The following LRCH2 variants were observed in gnomAD, a reference collection of about 807,000 sequenced individuals.
The protein encoded by LRCH2 is leucine-rich repeat and calponin homology domain-containing protein 2.
In LRCH2, 38 loss-of-function variants were observed where a neutral mutation model predicts 68.9. The observed-to-expected ratio is 0.55, with a 90% CI of 0.43 to 0.72. The LOEUF (loss-of-function observed/expected upper bound fraction) is 0.72, where lower values mean the gene tolerates loss of function less well. Among genes scored for constraint, LRCH2 ranks in the 30% least tolerant of loss-of-function variants. The pLI, the probability that LRCH2 is intolerant of heterozygous loss-of-function variation, is 0.00. For missense variants in LRCH2, 528 were observed against 572.9 expected (o/e 0.92, Z 0.80); for synonymous variants, 191 against 208.1 (o/e 0.92, Z 0.71).
chrX:115,148,003 G>C (rs1291592273), intron 14 of LRCH2, among the ~76,000 whole-genome samples: 2 of 111,504 alleles, frequency 1.8e-5, no homozygotes, highest in Non-Finnish European at 3.8e-5. Context: ...CCAGGCATTT[G>C]AGGCTGCTGT....
chrX:115,144,994 C>A (rs991881969), intron 14 of LRCH2, among the ~76,000 whole-genome samples: 26 of 111,704 alleles, frequency 2.3e-4, no homozygotes, highest in African/African-American at 8.1e-4. Context: ...CCAAAGCTAT[C>A]CTGGGAATAA....
chrX:115,171,391 C>T (rs1056668147), intron 5 of LRCH2, among the ~76,000 whole-genome samples: 7 of 110,292 alleles, frequency 6.3e-5, no homozygotes, highest in Non-Finnish European at 1.3e-4. Context: ...AAATATATTG[C>T]CAATTAAATG....
At chrX:115,121,422 C>T (rs1273398513) in intron 20 of LRCH2, among the ~76,000 whole-genome samples, 2 of 110,858 alleles carry the variant, frequency 1.8e-5, no homozygotes, top group East Asian at 2.9e-4. Flanking sequence ...GAGGCTGAGG[C>T]GGGTGGATCA....
rs782666481 is a variant in LRCH2 at position 115,210,984 on chromosome X, T to C, written c.350-22614A>G. Among the ~76,000 whole-genome samples the C allele has an allele frequency of 1.3e-3, 151 of 112,209 alleles. 2 individuals are homozygous for C. The highest frequency in any genetic ancestry group is 1.3e-3 in the Non-Finnish European group (69 of 53,287). ...CCGATGCCTGTATCCCCATTGTATC[T>C]AGGAAGTAACTAACTTGCTTTTCAT... On this transcript the variant is annotated intron_variant, in intron 1 of 20. Coordinates refer to ENST00000317135, the MANE Select transcript of LRCH2 (RefSeq NM_020871.4).
intron 14 of LRCH2, among the ~76,000 whole-genome samples, chrX:115,133,882 C>A (rs6644188): frequency 0.078 from 8,726 of 111,256 alleles, 312 homozygotes; most frequent in Non-Finnish European, 0.11. Flanking sequence ...GTATGTCTTT[C>A]CCTTTAAATA....
chrX:115,198,897 A>C (rs1483635689), intron 1 of LRCH2: 1 of 112,242 alleles, frequency 8.9e-6, no homozygotes, highest in Non-Finnish European at 1.9e-5. Flanking sequence ...AAACCTTAAA[A>C]GCCAGAAGAG....
intron 1 of LRCH2, among the ~76,000 whole-genome samples, chrX:115,219,857 A>G (rs2073066677): frequency 8.9e-6 from 1 of 111,799 alleles, no homozygotes; most frequent in Non-Finnish European, 1.9e-5. Context: ...AGGATCACAG[A>G]GTATTCCCCC....
rs185599561 is a variant in LRCH2 at position 115,190,303 on chromosome X, G to A, written c.350-1933C>T. 31 of 1,150,750 alleles carry A rather than the reference G, an allele frequency of 2.7e-5. No individual in the cohort carries two copies. The highest frequency in any genetic ancestry group is 3.1e-5 in the Non-Finnish European group (27 of 863,454). The allele number at this position is 1,150,750 out of a possible 1,213,427, so 94.8% of individuals were successfully genotyped here. ...CAACCAAAATGGCTACAGGGGTCGC[G>A]ACCATGAGTACACAGATCATCCCAG... On this transcript the variant is annotated intron_variant, in intron 1 of 20. Coordinates refer to ENST00000317135, the MANE Select transcript of LRCH2 (RefSeq NM_020871.4).
At chrX:115,173,863 T>G (rs2072624448) in intron 5 of LRCH2, among the ~76,000 whole-genome samples, 1 of 112,228 alleles carries the variant, frequency 8.9e-6, no homozygotes, top group Non-Finnish European at 1.9e-5. Flanking sequence ...TTTATGATGA[T>G]CAACTTCCAC....
At chrX:115,190,873 T>A in intron 1 of LRCH2, 1 of 1,155,544 alleles carries the variant, frequency 8.7e-7, no homozygotes, top group South Asian at 1.9e-5. Flanking sequence ...CCAAGGCCGC[T>A]CGCTGGATGC....
At chrX:115,161,085 G>T (rs977155640) in intron 11 of LRCH2, among the ~76,000 whole-genome samples, 1 of 112,421 alleles carries the variant, frequency 8.9e-6, no homozygotes, top group Non-Finnish European at 1.9e-5. Flanking sequence ...GGGCGTGGTG[G>T]CTCACGCCTG....
chrX:115,205,641 T>C (rs913769043), intron 1 of LRCH2, among the ~76,000 whole-genome samples: 7 of 111,843 alleles, frequency 6.3e-5, no homozygotes, highest in Non-Finnish European at 1.1e-4. Flanking sequence ...AAAAATAACA[T>C]ATGAAATAAA....
chrX:115,160,457 C>T (rs2072511081), intron 11 of LRCH2, among the ~76,000 whole-genome samples: 1 of 112,075 alleles, frequency 8.9e-6, no homozygotes, highest in African/African-American at 3.2e-5. Flanking sequence ...AGATACATGG[C>T]TTCATTTAGC....
intron 20 of LRCH2, among the ~76,000 whole-genome samples, chrX:115,116,555 T>C (rs1463328902): frequency 1.8e-5 from 2 of 111,277 alleles, no homozygotes; most frequent in Admixed American, 9.6e-5. Flanking sequence ...GCTGTGTTTC[T>C]GGGGTGACGA....
At chrX:115,180,384 C>T (rs2072682378) in intron 3 of LRCH2, among the ~76,000 whole-genome samples, 1 of 110,295 alleles carries the variant, frequency 9.1e-6, no homozygotes, top group Admixed American at 9.7e-5. Flanking sequence ...AAAATCCAAG[C>T]CCCAATTTAA....
intron 1 of LRCH2, among the ~76,000 whole-genome samples, chrX:115,221,357 C>A: frequency 9.6e-6 from 1 of 104,294 alleles, no homozygotes; most frequent in African/African-American, 3.5e-5. Flanking sequence ...AATAACAAAA[C>A]AATAAAAACA....
intron 12 of LRCH2, among the ~76,000 whole-genome samples, chrX:115,155,982 A>T (rs1364739695): frequency 1.8e-5 from 2 of 111,551 alleles, no homozygotes; most frequent in East Asian, 5.6e-4. Flanking sequence ...TTTGTTTCAG[A>T]ATTATCACTC....
chrX:115,170,326 C>G lies in LRCH2; in HGVS notation c.971G>C (p.Arg324Pro). The G allele has an allele frequency of 8.5e-7, 1 of 1,180,034 alleles. No individual in the cohort carries two copies. Among genetic ancestry groups the G allele is most frequent in the South Asian group, 1.9e-5 (1 of 51,890 alleles). ...DSLDLPSLSK[R>P]MPSQPLTDSM... is the part of the protein sequence containing the mutation. ...GTCTGTGAGAGGCTGTGAGGGCATT[C>G]GTTTACTCAATGATGGAAGATCCAG... is the stretch of plus-strand genomic sequence containing the variant. The change falls in exon 6 of 21, where the codon CGA becomes CCA. Residue 324 changes from arginine (R) to proline (P), a missense_variant. Physicochemically the swap from Arg to Pro is moderately radical, Grantham distance 103. Coordinates refer to ENST00000317135, the MANE Select transcript of LRCH2 (RefSeq NM_020871.4).
intron 12 of LRCH2, among the ~76,000 whole-genome samples, chrX:115,154,820 T>C (rs781796458): frequency 9.1e-6 from 1 of 109,984 alleles, no homozygotes; most frequent in East Asian, 2.8e-4. Flanking sequence ...TACACTCATG[T>C]TTTAATCCAT....
Sources: allele counts gnomAD v4.1 joint callset (sites outside exome capture counted in the v4.1 genomes callset), GRCh38; gene constraint gnomAD v4.1.1; transcripts MANE v1.5; gene names NCBI Gene and HGNC (gene_info 2026-07-23, HGNC 2026-07-21).